Variants in TESPA1 observed in about 807,000 individuals in gnomAD.
TESPA1 encodes the protein thymocyte expressed, positive selection associated 1.
Under a neutral mutation model 57.9 loss-of-function variants are expected in TESPA1, and 33 were observed. That is an observed-to-expected ratio of 0.57 (90% CI 0.43 to 0.76). The LOEUF (loss-of-function observed/expected upper bound fraction) is 0.76. TESPA1 is among the 30% of genes least tolerant of loss of function. TESPA1 has a pLI of 0.00. For missense variants in TESPA1, 618 were observed against 632.9 expected, an observed-to-expected ratio of 0.98 and a Z score of 0.25; for synonymous variants, 227 against 228.9, an observed-to-expected ratio of 0.99 and a Z score of 0.07.
rs1440521194 is a variant in TESPA1, at chr12:54,950,006, T to A, written c.*386A>T. ...TTAGAAAAAAACTTGTCCCCTAAAC[T>A]TGATCCTGAAGTCTCCTAACTGCCC... On this transcript the variant is annotated 3_prime_UTR_variant, in exon 11 of 11. Coordinates refer to ENST00000449076, the MANE Select transcript of TESPA1 (RefSeq NM_001136030.3). The A allele has an allele frequency of 9.6e-6, 2 of 208,498 alleles. No individual in the cohort carries two copies. The highest frequency in any genetic ancestry group is 1.9e-5 in the Non-Finnish European group (2 of 102,814). 12.9% of individuals were successfully genotyped at this position (208,498 alleles called of 1,614,324 possible). A position where few individuals can be genotyped will look rare whatever the true frequency, so the allele number is the denominator to read the frequency against.
intron 10 of TESPA1, among the ~76,000 whole-genome samples, chr12:54,950,850 A>G (rs1264288912): frequency 6.6e-6 from 1 of 152,090 alleles, no homozygotes. Context: ...TTTAGTAATG[A>G]CCCCACAGGA....
chr12:54,966,216 T>C (rs1340331466), intron 6 of TESPA1, 65 bp from the exon 7 acceptor site: 47 of 1,566,082 alleles, frequency 3.0e-5, no homozygotes, highest in Non-Finnish European at 4.1e-5. Context: ...CTTCGAGGAA[T>C]CCCTGCTGGA....
chr12:54,983,050 G>A (rs959537730), intron 1 of TESPA1, among the ~76,000 whole-genome samples: 3 of 152,296 alleles, frequency 2.0e-5, no homozygotes, highest in East Asian at 1.9e-4. Context: ...GGAAATAAAC[G>A]TGTGATCTTT....
At chr12:54,965,956 A>C in intron 7 of TESPA1, 97 bp downstream of exon 7, 2 of 1,160,410 alleles carry the variant, frequency 1.7e-6, no homozygotes, top group Non-Finnish European at 2.5e-6. Flanking sequence ...AAGCTCCAGT[A>C]AGATATCCCA....
chr12:54,963,112 A>C lies in TESPA1; in HGVS notation c.786T>G (p.Thr262=). The change falls in exon 9 of 11, where the codon ACT becomes ACG. Residue 262 remains threonine (T), a synonymous_variant. Coordinates refer to ENST00000449076, the MANE Select transcript of TESPA1 (RefSeq NM_001136030.3). The part of the protein sequence containing the change: ...SHMFWNCNHP[T]DVPSIRILSR... ...ACAGAATCCTGATGGATGGCACATC[A>C]GTTGGATGGTTGCAATTCCAGAACA... 6.2e-7 allele frequency: 1 copy of C among 1,613,966 alleles called. No individual in the cohort carries two copies. The highest frequency in any genetic ancestry group is 8.5e-7 in the Non-Finnish European group (1 of 1,179,884).
intron 7 of TESPA1, among the ~76,000 whole-genome samples, chr12:54,965,595 T>C (rs1442907723): frequency 1.3e-5 from 2 of 152,228 alleles, no homozygotes; most frequent in African/African-American, 2.4e-5. Flanking sequence ...CTATCACTGA[T>C]GGGCAGCTGG....
At position 54,961,186 on chromosome 12, in the gene TESPA1, CAA is replaced by C. The variant is rs756604058; in HGVS notation, c.1547_1548del (p.Phe516CysfsTer18). On this transcript the variant is annotated frameshift_variant, in exon 10 of 11. Transcript: ENST00000449076. LOFTEE classifies it high-confidence loss of function. ...CACTTACTTCACGAGTCTTTGCCAG[CAA>C]AAGTCTGGTGGTGGTGGGGGTGCCT... ...RPRHPHHHQT[F>X]AGKDS 4.2e-5 allele frequency: 68 copies of C among 1,613,674 alleles called. 1 individual carries two copies. The African/African-American group carries it at 7.7e-4, about 18-fold the overall frequency.
intron 1 of TESPA1, among the ~76,000 whole-genome samples, chr12:54,977,666 C>T (rs1478310291): frequency 6.6e-6 from 1 of 152,142 alleles, no homozygotes; most frequent in African/African-American, 2.4e-5. Flanking sequence ...AAAGACCAGA[C>T]AGGTTAAGTG....
chr12:54,980,940 C>G (rs534474196), intron 1 of TESPA1, among the ~76,000 whole-genome samples: 10 of 152,070 alleles, frequency 6.6e-5, no homozygotes, highest in Non-Finnish European at 1.3e-4. Flanking sequence ...ACTATCTTTT[C>G]TTCTATACCT....
chr12:54,984,513 A>T (rs1360097761), intron 1 of TESPA1, 72 bp downstream of exon 1: 1 of 152,174 alleles, frequency 6.6e-6, no homozygotes, highest in Non-Finnish European at 1.5e-5. Flanking sequence ...TTTCTCTGAC[A>T]TGTTTCCTTC....
chr12:54,968,323 A>G (rs1227106647), intron 3 of TESPA1, among the ~76,000 whole-genome samples: 1 of 152,186 alleles, frequency 6.6e-6, no homozygotes, highest in Non-Finnish European at 1.5e-5. Flanking sequence ...TTAACTACCC[A>G]CACTTCCTTC....
chr12:54,983,569 C>G (rs1296829705), intron 1 of TESPA1, among the ~76,000 whole-genome samples: 2 of 152,176 alleles, frequency 1.3e-5, no homozygotes, highest in African/African-American at 4.8e-5. Flanking sequence ...CCTTACCTCT[C>G]TACTCAGGAC....
At chr12:54,983,778 C>T (rs1952405398) in intron 1 of TESPA1, among the ~76,000 whole-genome samples, 1 of 152,200 alleles carries the variant, frequency 6.6e-6, no homozygotes, top group African/African-American at 2.4e-5. Flanking sequence ...GATCTTTCCA[C>T]TCCTCCATCT....
In TESPA1 at chr12:54,967,879, C is replaced by G. The variant is rs1346431045; in HGVS notation, c.220G>C (p.Gly74Arg). 2 of 1,613,546 alleles carry G rather than the reference C, an allele frequency of 1.2e-6. No homozygotes were observed. Among genetic ancestry groups the G allele is most frequent in the Admixed American group, 3.3e-5 (2 of 59,992 alleles). The part of the protein sequence containing the change: ...WLQDCGYSEE[G>R]FSEEAGQFIY... Reference sequence around the variant, plus strand: ...AACTGTCCTGCTTCCTCAGAAAATCCTTCTTCAGAGTATCTAAACCAAAAA... The same window carrying G: ...AACTGTCCTGCTTCCTCAGAAAATCGTTCTTCAGAGTATCTAAACCAAAAA... The change falls in exon 4 of 11, where the codon GGA becomes CGA. Residue 74 changes from glycine (G) to arginine (R), a missense_variant. By Grantham distance (125) the Gly-to-Arg change is moderately radical. Transcript: ENST00000449076.
At chr12:54,970,548 T>C (rs1245069326) in intron 3 of TESPA1, among the ~76,000 whole-genome samples, 3 of 152,178 alleles carry the variant, frequency 2.0e-5, no homozygotes, top group Non-Finnish European at 4.4e-5. Flanking sequence ...AACAGCAGTG[T>C]GGACATGGGC....
chr12:54,966,091 G>A lies in TESPA1; in HGVS notation c.408C>T (p.Ser136=). The A allele has an allele frequency of 6.3e-7, 1 of 1,578,882 alleles. No individual in the cohort carries two copies. The highest frequency in any genetic ancestry group is 8.6e-7 in the Non-Finnish European group (1 of 1,161,264). ...QLLDLGCSLA[S]SSMTGGTNKT... ...TGTTGGTCCCCCCAGTCATGCTGCT[G>A]GAAGCCAAACTACAGCCAAGATCAA... is the stretch of plus-strand genomic sequence containing the variant. Residue 136 remains serine (S), a synonymous_variant, in exon 7 of 11, where the codon TCC becomes TCT. Transcript: ENST00000449076.
chr12:54,973,784 A>C (rs1951996150), intron 2 of TESPA1: 2 of 1,234,034 alleles, frequency 1.6e-6, no homozygotes, highest in Non-Finnish European at 2.0e-6. Context: ...GTCTTTTGAG[A>C]GTTCCTTTCC....
Position 54,973,958 on chromosome 12 carries a change from G to A in TESPA1, c.164-439C>T, listed in dbSNP as rs185324396. On this transcript the variant is annotated intron_variant, in intron 2 of 10. Transcript: ENST00000449076. The stretch of plus-strand genomic sequence containing the variant: ...GAACCTCAAAGAAGCTCTGAGAAGT[G>A]TAGGAAAGGTACTACTACTTCAATT... The A allele has an allele frequency of 7.2e-6, 7 of 973,504 alleles. No individual in the cohort carries two copies. The Admixed American group carries it at 3.2e-4, about 44-fold the overall frequency. The allele number at this position is 973,504 out of a possible 1,614,324, so 60.3% of individuals were successfully genotyped here.
At chr12:54,952,135 A>T (rs1950439217) in intron 10 of TESPA1, among the ~76,000 whole-genome samples, 1 of 152,204 alleles carries the variant, frequency 6.6e-6, no homozygotes, top group South Asian at 2.1e-4. Flanking sequence ...TTGGCTATAT[A>T]AGAAGAGGAA....
Sources: gnomAD v4.1 joint callset for allele counts (sites outside exome capture counted in the v4.1 genomes callset) on GRCh38, gnomAD v4.1.1 for gene constraint, MANE v1.5 for transcripts, NCBI Gene and HGNC (gene_info 2026-07-23, HGNC 2026-07-21) for gene names.